Variants in TMC4 observed in about 807,000 individuals in gnomAD.
The protein encoded by TMC4 is transmembrane channel like 4.
In TMC4, 70 loss-of-function variants were observed where a neutral mutation model predicts 82.0. The ratio of observed to expected loss-of-function variants is 0.85; its 90% CI spans 0.70 to 1.04. TMC4 has a LOEUF of 1.04. Ranked by LOEUF, TMC4 falls within the 50% of genes least tolerant of loss-of-function variation. The pLI is 0.00. For synonymous variants in TMC4, 446 were observed against 406.0 expected (o/e 1.10, Z -1.18); for missense variants, 879 against 899.0 (o/e 0.98, Z 0.28).
chr19:54,168,719 G>A (rs2075769360), intron 3 of TMC4, 39 bp from the exon 4 acceptor site: 12 of 1,401,886 alleles, frequency 8.6e-6, no homozygotes, highest in Non-Finnish European at 1.1e-5. Context: ...GTTCCTTCCC[G>A]GGAGCAGGAC....
intron 2 of TMC4, among the ~76,000 whole-genome samples, chr19:54,171,195 A>G (rs894730776): frequency 3.3e-5 from 5 of 151,780 alleles, no homozygotes; most frequent in African/African-American, 9.7e-5. Context: ...TGCAACCTCT[A>G]TCTCCCTGGT....
intron 5 of TMC4, among the ~76,000 whole-genome samples, chr19:54,167,110 A>AT (rs200666361): frequency 6.6e-6 from 1 of 150,686 alleles, no homozygotes; most frequent in South Asian, 2.1e-4. Flanking sequence ...TTAAAAAAAA[A>AT]TTTTTAGCAA....
chr19:54,172,085 T>C lies in TMC4; in HGVS notation c.80-2A>G, dbSNP rs769835321. 1.9e-5 allele frequency: 30 copies of C among 1,569,428 alleles called. No individual in the cohort carries two copies. The highest frequency in any genetic ancestry group is 2.5e-5 in the Non-Finnish European group (29 of 1,155,168). On this transcript the variant is annotated splice_acceptor_variant, in intron 1 of 14. Coordinates refer to ENST00000619895, the MANE Select transcript of TMC4 (RefSeq NM_144686.4). LOFTEE classifies it high-confidence loss of function. ...TCAGCACAGAAGACAGCGATGGGCC[T>C]GGGGAGGAGCAGGGGGCTGGGAAGA...
Position 54,163,861 on chromosome 19 carries a change from T to TGGCAACTCCTGGACAAGG in TMC4, c.1122_1139dup (p.Val376_Leu381dup). On this transcript the variant is annotated inframe_insertion, in exon 8 of 15. Transcript: ENST00000619895. ...GGTAATTCACCCCAAGCTTCAGCAG[T>TGGCAACTCCTGGACAAGG]GGCAACTCCTGGACAAGGGGCATCT... is the stretch of plus-strand genomic sequence containing the variant. The TGGCAACTCCTGGACAAGG allele has an allele frequency of 6.2e-7, 1 of 1,613,970 alleles. No homozygotes were observed. The highest frequency in any genetic ancestry group is 1.7e-5 in the Admixed American group (1 of 60,002).
intron 11 of TMC4, among the ~76,000 whole-genome samples, chr19:54,161,888 C>T (rs1204480734): frequency 6.6e-6 from 1 of 152,122 alleles, no homozygotes; most frequent in Non-Finnish European, 1.5e-5. Context: ...GCCCCTTCCT[C>T]ATCTAGGACC....
rs146415933 is a variant in TMC4 at position 54,171,506 on chromosome 19, G to A, written c.293+364C>T. ...GGGAAAAGAAAGAAGTTAAAGAGAGGGAGGCTTGGAAGAGGAGGCAAAGAT... is the reference window on the plus strand; with the variant it reads ...GGGAAAAGAAAGAAGTTAAAGAGAGAGAGGCTTGGAAGAGGAGGCAAAGAT... On this transcript the variant is annotated intron_variant, in intron 2 of 14. Transcript: ENST00000619895. Among the ~76,000 whole-genome samples the A allele has an allele frequency of 5.4e-3, 824 of 152,284 alleles. 5 individuals carry two copies. Among genetic ancestry groups the A allele is most frequent in the African/African-American group, 0.019 (796 of 41,556 alleles).
intron 9 of TMC4, 34 bp from the exon 10 acceptor site, chr19:54,162,804 G>A (rs9636146): frequency 0.025 from 39,746 of 1,597,780 alleles, 1,780 homozygotes; most frequent in African/African-American, 0.16. Flanking sequence ...GAAAGAACTC[G>A]GGACCCGGGC....
In TMC4 at chr19:54,160,156, T is replaced by G. The variant is rs112410826; in HGVS notation, c.*150A>C. 1.2e-6 allele frequency: 1 copy of G among 837,932 alleles called. No individual in the cohort carries two copies. Among genetic ancestry groups the G allele is most frequent in the Non-Finnish European group, 1.8e-6 (1 of 561,154 alleles). The allele number at this position is 837,932 out of a possible 1,614,324, so 51.9% of individuals were successfully genotyped here. On this transcript the variant is annotated 3_prime_UTR_variant, in exon 15 of 15. Transcript: ENST00000619895. ...TGATACAAGGAAGATCACCCGAGAG[T>G]CAGGGACGTGGCGGCGAGGGGCCCT...
intron 5 of TMC4, among the ~76,000 whole-genome samples, chr19:54,166,079 G>T (rs2075695561): frequency 6.6e-6 from 1 of 152,058 alleles, no homozygotes; most frequent in African/African-American, 2.4e-5. Context: ...GGCAGGTAAA[G>T]ACTCAAGAGA....
At chr19:54,172,611 C>T (rs934461430) in intron 1 of TMC4, 1 of 287,876 alleles carries the variant, frequency 3.5e-6, no homozygotes, top group Non-Finnish European at 6.3e-6. Flanking sequence ...GGTTCCCAGC[C>T]CCTCCTCCCT....
Position 54,168,463 on chromosome 19 carries a change from G to C in TMC4, c.660C>G (p.Asn220Lys). 6.5e-7 allele frequency: 1 copy of C among 1,545,872 alleles called. No individual in the cohort carries two copies. The highest frequency in any genetic ancestry group is 8.7e-7 in the Non-Finnish European group (1 of 1,144,838). The change falls in exon 4 of 15, where the codon AAC becomes AAG. Residue 220 changes from asparagine to lysine, a missense_variant. Coordinates refer to ENST00000619895, the MANE Select transcript of TMC4 (RefSeq NM_144686.4). ...AGGCACCTACCTCACCCGAGAGCAA[G>C]TTGAAGAGCTGGGTGGCAAAGGTGA... Reference protein sequence around the residue: ...GLVTFATQLFNLLSGEGYLEW... With the variant: ...GLVTFATQLFKLLSGEGYLEW...
intron 5 of TMC4, 106 bp downstream of exon 5, chr19:54,168,065 A>C (rs76115611): frequency 7.7e-7 from 1 of 1,293,064 alleles, no homozygotes; most frequent in Non-Finnish European, 1.0e-6. Flanking sequence ...CTCCGTCTCA[A>C]AAAAAAAAAG....
At chr19:54,171,013 G>A (rs1389284670) in intron 2 of TMC4, among the ~76,000 whole-genome samples, 1 of 140,114 alleles carries the variant, frequency 7.1e-6, no homozygotes, top group East Asian at 2.3e-4. Context: ...GATCGGTGTG[G>A]GAGTGTTGAT....
At position 54,163,754 on chromosome 19, in the gene TMC4, C is replaced by T. The variant is rs778492916; in HGVS notation, c.1247G>A (p.Arg416Gln). 20 of 1,614,096 alleles carry T rather than the reference C, an allele frequency of 1.2e-5. 1 individual carries two copies. In the South Asian group the frequency reaches 1.8e-4, roughly 14 times the overall value. The change falls in exon 8 of 15, where the codon CGG becomes CAG. Residue 416 changes from arginine to glutamine, a missense_variant. Arg to Gln is a conservative substitution (Grantham distance 43). Transcript: ENST00000619895. ...CAGGATAAAAACGATCTGGCGACTCCGAGTGTAGCCCTCCAGTGGAGCAAT... is the reference window on the plus strand; with the variant it reads ...CAGGATAAAAACGATCTGGCGACTCTGAGTGTAGCCCTCCAGTGGAGCAAT... ...KLIAPLEGYT[R>Q]SRQIVFILLR...
intron 1 of TMC4, 148 bp downstream of exon 1, chr19:54,172,891 T>C (rs2075943991): frequency 1.4e-6 from 1 of 712,456 alleles, no homozygotes; most frequent in Non-Finnish European, 2.4e-6. Flanking sequence ...CAGCCTCCAG[T>C]TCCCTTCTCC....
chr19:54,161,706 T>C lies in TMC4; in HGVS notation c.1686+396A>G, dbSNP rs527712350. Among the ~76,000 whole-genome samples the C allele has an allele frequency of 8.0e-5, 12 of 150,736 alleles. No homozygotes were observed. In the East Asian group the frequency reaches 2.3e-3, roughly 29 times the overall value. ...GGCGCCTGCCACTAAGCCCGGCTAA[T>C]TTTTTTTGTATTTTTAGTAGAGACG... On this transcript the variant is annotated intron_variant, in intron 11 of 14. Coordinates refer to ENST00000619895, the MANE Select transcript of TMC4 (RefSeq NM_144686.4).
rs1352280632 is a variant in TMC4 at position 54,168,444 on chromosome 19, C to G, written c.675+4G>C. On this transcript the variant is annotated splice_donor_region_variant and intron_variant, in intron 4 of 14. Coordinates refer to ENST00000619895, the MANE Select transcript of TMC4 (RefSeq NM_144686.4). ...GGGAATCCCCCAGGGACCCAGGCAC[C>G]TACCTCACCCGAGAGCAAGTTGAAG... is the stretch of plus-strand genomic sequence containing the variant. 2 of 1,540,508 alleles carry G rather than the reference C, an allele frequency of 1.3e-6. No individual in the cohort carries two copies. The highest frequency in any genetic ancestry group is 1.8e-6 in the Non-Finnish European group (2 of 1,141,912).
rs780356098 is a variant in TMC4, at chr19:54,162,258, CGCCCCAGGACAGAG to C, written c.1516_1529del (p.Leu506AlafsTer40). 1 of 1,600,350 alleles carries C rather than the reference CGCCCCAGGACAGAG, an allele frequency of 6.2e-7. No homozygotes were observed. The highest frequency in any genetic ancestry group is 1.7e-5 in the Admixed American group (1 of 57,472). On this transcript the variant is annotated frameshift_variant, in exon 11 of 15. Coordinates refer to ENST00000619895, the MANE Select transcript of TMC4 (RefSeq NM_144686.4). LOFTEE classifies it high-confidence loss of function. ...CTTGGGTCCCCGCCAGACGACCCAG[CGCCCCAGGACAGAG>C]GCCACAGAGGAGCCTGAAGGACGGG... is the stretch of plus-strand genomic sequence containing the variant.
At chr19:54,160,760 C>G in intron 13 of TMC4, 118 bp downstream of exon 13, 1 of 1,436,270 alleles carries the variant, frequency 7.0e-7, no homozygotes, top group Non-Finnish European at 9.4e-7. Context: ...TAGGCCTCCT[C>G]CCTCAGACTC....
Sources: gnomAD v4.1 joint callset for allele counts (sites outside exome capture counted in the v4.1 genomes callset) on GRCh38, gnomAD v4.1.1 for gene constraint, MANE v1.5 for transcripts, NCBI Gene and HGNC (gene_info 2026-07-23, HGNC 2026-07-21) for gene names.